The following SUMF1 variants were observed in gnomAD, a reference collection of about 807,000 sequenced individuals.
The protein encoded by SUMF1 is sulfatase modifying factor 1.
Under a neutral mutation model 47.6 loss-of-function variants are expected in SUMF1, and 48 were observed. The ratio of observed to expected loss-of-function variants is 1.01; its 90% CI spans 0.80 to 1.28. The LOEUF is 1.28. SUMF1 is among the 50% of genes most tolerant of loss of function. SUMF1 has a pLI of 0.00. For synonymous variants in SUMF1, 230 were observed against 192.1 expected (o/e 1.20, Z -1.63); for missense variants, 571 against 485.4 (o/e 1.18, Z -1.66).
intron 8 of SUMF1, chr3:4,304,108 G>A (rs145757636): frequency 1.1e-3 from 189 of 178,114 alleles, no homozygotes; most frequent in South Asian, 2.6e-3. Flanking sequence ...CTCAGTAAAT[G>A]TTTGCTTCTA....
In SUMF1 at chr3:4,295,155, A is replaced by G. The variant is rs542442730; in HGVS notation, c.1014+81175T>C. The stretch of plus-strand genomic sequence containing the variant: ...TTTTTGCATTTGGTTTTTCGTTTCC[A>G]TGGTTTCCTTTCTCCACTCAAATGC... On this transcript the variant is annotated intron_variant and NMD_transcript_variant, in intron 8 of 12. Transcript: ENST00000448413. 2.0e-5 allele frequency among the ~76,000 whole-genome samples: 3 copies of G among 152,134 alleles called. No homozygotes were observed. In the South Asian group the frequency reaches 6.2e-4, roughly 32 times the overall value.
At chr3:4,193,605 C>T (rs1232126081) in intron 8 of SUMF1, among the ~76,000 whole-genome samples, 1 of 152,060 alleles carries the variant, frequency 6.6e-6, no homozygotes, top group Non-Finnish European at 1.5e-5. Flanking sequence ...AATAAATAAA[C>T]AGCTATAGCC....
intron 8 of SUMF1, among the ~76,000 whole-genome samples, chr3:4,174,915 G>C (rs931714008): frequency 6.6e-6 from 1 of 152,194 alleles, no homozygotes; most frequent in Admixed American, 6.5e-5. Flanking sequence ...CCACACCCAC[G>C]AAGCCTTGCT....
chr3:4,351,674 A>C (rs953995667), intron 8 of SUMF1, among the ~76,000 whole-genome samples: 2 of 152,198 alleles, frequency 1.3e-5, no homozygotes, highest in African/African-American at 4.8e-5. Flanking sequence ...CATCATTTTA[A>C]AAAAGAAGTG....
intron 8 of SUMF1, among the ~76,000 whole-genome samples, chr3:4,098,585 G>T (rs956668304): frequency 2.0e-5 from 3 of 152,126 alleles, no homozygotes. Context: ...AAAGCTTTCT[G>T]AGTCTCTAGA....
chr3:4,059,296 C>T (rs777318103), intron 9 of SUMF1, among the ~76,000 whole-genome samples: 7 of 152,098 alleles, frequency 4.6e-5, no homozygotes, highest in Non-Finnish European at 7.4e-5. Flanking sequence ...GCAGAGTTTT[C>T]AAGAAAGCAG....
At chr3:4,372,970 A>G (rs1700212783) in intron 8 of SUMF1, among the ~76,000 whole-genome samples, 1 of 152,224 alleles carries the variant, frequency 6.6e-6, no homozygotes, top group South Asian at 2.1e-4. Flanking sequence ...TTCTATGGAA[A>G]ATCCTGTGGA....
chr3:4,286,394 C>T (rs1014896858), intron 8 of SUMF1, among the ~76,000 whole-genome samples: 7 of 152,020 alleles, frequency 4.6e-5, no homozygotes, highest in African/African-American at 7.2e-5. Context: ...TAATACAGCA[C>T]AAAAGCAGTA....
At chr3:4,347,389 C>A (rs574345730) in intron 8 of SUMF1, among the ~76,000 whole-genome samples, 1 of 152,290 alleles carries the variant, frequency 6.6e-6, no homozygotes, top group South Asian at 2.1e-4. Context: ...ATACACAAAT[C>A]AATAAACATA....
chr3:4,051,469 GA>G lies in SUMF1; in HGVS notation c.1191+17099del, dbSNP rs1574846120. ...GTGTGCGATCCAAGGAGCTGTAAAGGAAAAAAATCCCCAAATTAAATATTAT... is the reference window on the plus strand; with the variant it reads ...GTGTGCGATCCAAGGAGCTGTAAAGGAAAAAATCCCCAAATTAAATATTAT... On this transcript the variant is annotated intron_variant and NMD_transcript_variant, in intron 9 of 12. Coordinates refer to the SUMF1 transcript ENST00000448413. Among the ~76,000 whole-genome samples, 3 of 151,992 alleles carry G rather than the reference GA, an allele frequency of 2.0e-5. No homozygotes were observed. In the South Asian group the frequency reaches 6.2e-4, roughly 32 times the overall value.
intron 7 of SUMF1, among the ~76,000 whole-genome samples, chr3:4,409,301 G>T (rs1358826664): frequency 6.6e-6 from 1 of 152,208 alleles, no homozygotes; most frequent in East Asian, 1.9e-4. Flanking sequence ...GTCAAATGAG[G>T]AAGCAAAGGA....
intron 8 of SUMF1, among the ~76,000 whole-genome samples, chr3:4,319,452 G>A (rs949343716): frequency 7.2e-5 from 11 of 152,280 alleles, no homozygotes; most frequent in Admixed American, 2.0e-4. Flanking sequence ...GGGTAAAGAA[G>A]CAATTATGAT....
chr3:4,043,347 C>T (rs1300727467), intron 9 of SUMF1, among the ~76,000 whole-genome samples: 1 of 152,048 alleles, frequency 6.6e-6, no homozygotes, highest in Non-Finnish European at 1.5e-5. Context: ...TAAATTGTAC[C>T]TTTATTCAAT....
At chr3:4,424,947 A>C (rs897286756) in intron 3 of SUMF1, among the ~76,000 whole-genome samples, 55 of 152,142 alleles carry the variant, frequency 3.6e-4, no homozygotes, top group Non-Finnish European at 7.1e-4. Context: ...AGACTGTCTT[A>C]TGTATTGCAG....
intron 7 of SUMF1, among the ~76,000 whole-genome samples, chr3:4,388,433 T>C (rs1575163318): frequency 1.3e-5 from 2 of 152,120 alleles, no homozygotes; most frequent in Non-Finnish European, 2.9e-5. Context: ...CATCATTTTG[T>C]TGTCAACTTG....
At chr3:4,426,789 GAGACAATTTCC>G in intron 3 of SUMF1, among the ~76,000 whole-genome samples, 1 of 152,284 alleles carries the variant, frequency 6.6e-6, no homozygotes, top group South Asian at 2.1e-4. Context: ...CTGCTCAACT[GAGACAATTTCC>G]AGAGTTACAG....
At chr3:4,058,075 T>C (rs1695220539) in intron 9 of SUMF1, among the ~76,000 whole-genome samples, 1 of 152,038 alleles carries the variant, frequency 6.6e-6, no homozygotes, top group African/African-American at 2.4e-5. Flanking sequence ...CATCCCAGTA[T>C]CCATGGAAGG....
chr3:4,077,810 A>G (rs1692472900), intron 8 of SUMF1, among the ~76,000 whole-genome samples: 1 of 152,192 alleles, frequency 6.6e-6, no homozygotes, highest in African/African-American at 2.4e-5. Context: ...TATAATAAAA[A>G]AAAACTGGCA....
At chr3:4,332,724 A>C (rs901349608) in intron 8 of SUMF1, among the ~76,000 whole-genome samples, 1 of 152,216 alleles carries the variant, frequency 6.6e-6, no homozygotes, top group Non-Finnish European at 1.5e-5. Context: ...TACAGACAGA[A>C]GACAGGGAAA....
Sources: allele counts gnomAD v4.1 joint callset (sites outside exome capture counted in the v4.1 genomes callset), GRCh38; gene constraint gnomAD v4.1.1; transcripts MANE v1.5; gene names NCBI Gene and HGNC (gene_info 2026-07-23, HGNC 2026-07-21).